Variants in DST observed in about 807,000 individuals in gnomAD.
The protein encoded by DST is bullous pemphigoid antigen.
In DST, 253 loss-of-function variants were observed where a neutral mutation model predicts 875.2. The ratio of observed to expected loss-of-function variants is 0.29; its 90% CI spans 0.26 to 0.32. DST has a LOEUF of 0.32. Among genes scored for constraint, DST ranks in the 10% least tolerant of loss-of-function variants. DST has a pLI of 1.00. For synonymous variants in DST, 3,124 were observed against 3,197.1 expected (o/e 0.98, Z 0.77); for missense variants, 8,287 against 9,111.6 (o/e 0.91, Z 3.68).
At chr6:56,581,442 G>A (rs554746619) in intron 49 of DST, among the ~76,000 whole-genome samples, 91 of 152,132 alleles carry the variant, frequency 6.0e-4, no homozygotes, top group Non-Finnish European at 1.1e-3. Context: ...CAACTGCTTC[G>A]GAAAGGATAA....
intron 36 of DST, chr6:56,617,519 G>T: frequency 8.7e-7 from 1 of 1,153,606 alleles, no homozygotes; most frequent in Non-Finnish European, 1.3e-6. Flanking sequence ...ACAAAGACAA[G>T]ATTAGTGAAA....
rs369564122 is a variant in DST at position 56,490,325 on chromosome 6, G to A, written c.20758-716C>T. Among the ~76,000 whole-genome samples the A allele has an allele frequency of 5.9e-5, 9 of 151,898 alleles. No homozygotes were observed. The East Asian group carries it at 1.7e-3, about 29-fold the overall frequency. On this transcript the variant is annotated intron_variant, in intron 85 of 103. Coordinates refer to ENST00000680361, the MANE Select transcript of DST (RefSeq NM_001374736.1). The stretch of plus-strand genomic sequence containing the variant: ...TTGATTTTGAGCACAGTTTCTTTTC[G>A]GTTTGTCATCAAGAACCAGCAGGTA...
At chr6:56,782,724 T>G (rs1366826424) in intron 4 of DST, among the ~76,000 whole-genome samples, 2 of 152,214 alleles carry the variant, frequency 1.3e-5, no homozygotes, top group Non-Finnish European at 2.9e-5. Context: ...TCTATTTCCT[T>G]CAGTTCTGCT....
At chr6:56,595,541 G>A (rs980287925) in intron 47 of DST, among the ~76,000 whole-genome samples, 1 of 151,584 alleles carries the variant, frequency 6.6e-6, no homozygotes, top group Admixed American at 6.5e-5. Context: ...CTGGCACACA[G>A]GAGCTGAGTA....
At position 56,553,229 on chromosome 6, in the gene DST, T is replaced by C. The variant is rs747562168; in HGVS notation, c.15563A>G (p.Asn5188Ser). Residue 5188 changes from asparagine to serine, a missense_variant, in exon 61 of 104, where the codon AAC becomes AGC. Coordinates refer to ENST00000680361, the MANE Select transcript of DST (RefSeq NM_001374736.1). Reference sequence around the variant, plus strand: ...CAAGCAAAATTTTATTTCCTCCAGGTTGTTTTGGCATTTGTCTATCCATGG... The same window carrying C: ...CAAGCAAAATTTTATTTCCTCCAGGCTGTTTTGGCATTTGTCTATCCATGG... ...LWPWIDKCQNNLEEIKFCLDP... is the reference protein window; with the variant it reads ...LWPWIDKCQNSLEEIKFCLDP... The C allele has an allele frequency of 4.3e-6, 7 of 1,613,934 alleles. No individual in the cohort carries two copies. Among genetic ancestry groups the C allele is most frequent in the Non-Finnish European group, 5.9e-6 (7 of 1,179,896 alleles).
At chr6:56,600,017 G>A (rs1185603500) in intron 45 of DST, 52 bp downstream of exon 45, 2 of 1,489,650 alleles carry the variant, frequency 1.3e-6, no homozygotes, top group Non-Finnish European at 1.8e-6. Flanking sequence ...CCAAATGATA[G>A]TAATCGAACA....
intron 3 of DST, among the ~76,000 whole-genome samples, chr6:56,870,502 C>T (rs1776552263): frequency 6.6e-6 from 1 of 151,700 alleles, no homozygotes; most frequent in Non-Finnish European, 1.5e-5. Context: ...GTGGCTCACG[C>T]CTGTAATCCC....
intron 2 of DST, among the ~76,000 whole-genome samples, chr6:56,920,656 T>C (rs1803614285): frequency 6.6e-6 from 1 of 151,856 alleles, no homozygotes; most frequent in Admixed American, 6.6e-5. Flanking sequence ...AAGACAAGAG[T>C]TCCAAAATTA....
intron 53 of DST, among the ~76,000 whole-genome samples, chr6:56,571,200 T>C (rs2097775952): frequency 6.6e-6 from 1 of 152,202 alleles, no homozygotes. Context: ...GACACGTACA[T>C]ATATGCAAGC....
At chr6:56,682,969 T>C (rs1357136028) in intron 9 of DST, among the ~76,000 whole-genome samples, 1 of 152,220 alleles carries the variant, frequency 6.6e-6, no homozygotes, top group Admixed American at 6.5e-5. Flanking sequence ...CTGCCTTATG[T>C]TTGTTGGCTC....
intron 4 of DST, among the ~76,000 whole-genome samples, chr6:56,736,288 T>C (rs562580658): frequency 6.6e-6 from 1 of 152,158 alleles, no homozygotes; most frequent in African/African-American, 2.4e-5. Flanking sequence ...CTGGTTCCTA[T>C]AGACAGCACA....
At chr6:56,749,362 A>G (rs1187512421) in intron 4 of DST, among the ~76,000 whole-genome samples, 3 of 151,986 alleles carry the variant, frequency 2.0e-5, no homozygotes, top group Non-Finnish European at 4.4e-5. Flanking sequence ...TCAAAAAAAT[A>G]AAAAATAAGA....
At chr6:56,653,336 A>G (rs1221356475) in intron 10 of DST, among the ~76,000 whole-genome samples, 1 of 152,210 alleles carries the variant, frequency 6.6e-6, no homozygotes, top group East Asian at 1.9e-4. Context: ...CTCCACTAAA[A>G]GACAGCAGAT....
Position 56,762,001 on chromosome 6 carries a change from T to A in DST, c.626-26712A>T, listed in dbSNP as rs970129445. On this transcript the variant is annotated intron_variant, in intron 4 of 103. Coordinates refer to ENST00000680361, the MANE Select transcript of DST (RefSeq NM_001374736.1). ...CTTCTGCCTCATCATGGCACAGATG[T>A]CAACTTTAAACAAGACTCCAGAAAT... Among the ~76,000 whole-genome samples, 4 of 151,504 alleles carry A rather than the reference T, an allele frequency of 2.6e-5. No individual in the cohort carries two copies. The South Asian group carries it at 6.2e-4, about 24-fold the overall frequency.
intron 36 of DST, among the ~76,000 whole-genome samples, chr6:56,623,776 T>C (rs773691781): frequency 7.2e-5 from 11 of 152,154 alleles, no homozygotes; most frequent in Non-Finnish European, 1.3e-4. Context: ...TAACAAAGCA[T>C]AGCATACTCC....
intron 5 of DST, among the ~76,000 whole-genome samples, chr6:56,734,469 T>G (rs1446271213): frequency 1.3e-5 from 2 of 152,146 alleles, no homozygotes; most frequent in African/African-American, 4.8e-5. Flanking sequence ...GTGAGAAAAC[T>G]CCAAATAGAA....
intron 4 of DST, among the ~76,000 whole-genome samples, chr6:56,777,830 G>C (rs1231522390): frequency 6.6e-6 from 1 of 151,738 alleles, no homozygotes; most frequent in African/African-American, 2.4e-5. Flanking sequence ...CCAAGTACCT[G>C]GACTACAGGC....
chr6:56,815,504 C>T (rs1030842311), intron 4 of DST, among the ~76,000 whole-genome samples: 19 of 152,234 alleles, frequency 1.2e-4, no homozygotes, highest in African/African-American at 4.1e-4. Context: ...AGGATTATGA[C>T]CAATTCAAGC....
In DST at chr6:56,936,626, C is replaced by T. The variant is rs1192466467; in HGVS notation, c.216+17159G>A. On this transcript the variant is annotated intron_variant, in intron 2 of 103. Transcript: ENST00000680361. ...GGCAGGGCAAACTCCTATTCCTTTACGTTTGGTTTTTATCTTCCTTCCTGG... is the reference window on the plus strand; with the variant it reads ...GGCAGGGCAAACTCCTATTCCTTTATGTTTGGTTTTTATCTTCCTTCCTGG... 2.6e-5 allele frequency among the ~76,000 whole-genome samples: 4 copies of T among 152,168 alleles called. No individual in the cohort carries two copies. The South Asian group carries it at 6.2e-4, about 24-fold the overall frequency.
Sources: gnomAD v4.1 joint callset for allele counts (sites outside exome capture counted in the v4.1 genomes callset) on GRCh38, gnomAD v4.1.1 for gene constraint, MANE v1.5 for transcripts, NCBI Gene and HGNC (gene_info 2026-07-23, HGNC 2026-07-21) for gene names.